GOT2: variants seen among roughly 807,000 people sequenced by gnomAD.
GOT2 encodes glutamic-oxaloacetic transaminase 2, also known as aspartate aminotransferase, mitochondrial.
Under a neutral mutation model 50.0 loss-of-function variants are expected in GOT2, and 17 were observed. That is an observed-to-expected ratio of 0.34 (90% CI 0.23 to 0.51). The LOEUF is 0.51. GOT2 is among the 20% of genes least tolerant of loss of function. GOT2 has a pLI of 0.97. For missense variants in GOT2, 430 were observed against 559.6 expected (o/e 0.77, Z 2.34); for synonymous variants, 172 against 204.9 (o/e 0.84, Z 1.37).
chr16:58,732,928 A>G (rs533022440), intron 1 of GOT2, among the ~76,000 whole-genome samples: 1 of 152,318 alleles, frequency 6.6e-6, no homozygotes, highest in East Asian at 1.9e-4. Flanking sequence ...ACAGTGGGCC[A>G]GGAAGGAGCC....
At chr16:58,719,786 C>A (rs2044726424) in intron 3 of GOT2, among the ~76,000 whole-genome samples, 2 of 152,128 alleles carry the variant, frequency 1.3e-5, no homozygotes, top group African/African-American at 2.4e-5. Flanking sequence ...TAAAAAGACA[C>A]TGAGAACAGT....
chr16:58,709,432 C>G lies in GOT2; in HGVS notation c.1155G>C (p.Gly385=). 1.2e-6 allele frequency: 2 copies of G among 1,611,542 alleles called. No homozygotes were observed. Among genetic ancestry groups the G allele is most frequent in the Non-Finnish European group, 1.7e-6 (2 of 1,177,978 alleles). The change falls in exon 9 of 10, where the codon GGG becomes GGC. Residue 385 remains glycine (G), a synonymous_variant. Coordinates refer to ENST00000245206, the MANE Select transcript of GOT2 (RefSeq NM_002080.4). ...TDQIGMFCFT[G]LKPEQVERLI... ...AATCACTCACCTGTTCAGGCTTTAG[C>G]CCTGTGAAACAGAACATGCCAATTT... is the stretch of plus-strand genomic sequence containing the variant.
At chr16:58,725,752 C>T (rs1281684812) in intron 1 of GOT2, among the ~76,000 whole-genome samples, 1 of 152,204 alleles carries the variant, frequency 6.6e-6, no homozygotes, top group African/African-American at 2.4e-5. Context: ...GACATCACCA[C>T]CCTCTCTTCT....
intron 7 of GOT2, 151 bp downstream of exon 7, chr16:58,716,512 G>A (rs1269990413): frequency 4.4e-6 from 3 of 683,502 alleles, no homozygotes; most frequent in African/African-American, 3.6e-5. Context: ...TAAAATCTAC[G>A]ATACTGGTCT....
chr16:58,722,714 A>T (rs1283663362), intron 2 of GOT2, among the ~76,000 whole-genome samples: 2 of 152,134 alleles, frequency 1.3e-5, no homozygotes, highest in African/African-American at 4.8e-5. Flanking sequence ...GAAGAAGGGT[A>T]GGTAGAATGC....
chr16:58,731,004 T>G (rs1043869486), intron 1 of GOT2, among the ~76,000 whole-genome samples: 10 of 152,214 alleles, frequency 6.6e-5, no homozygotes, highest in African/African-American at 2.2e-4. Flanking sequence ...TCCCTGGAGC[T>G]TAAGCCTACT....
At chr16:58,730,303 C>G (rs1406375626) in intron 1 of GOT2, among the ~76,000 whole-genome samples, 1 of 152,016 alleles carries the variant, frequency 6.6e-6, no homozygotes, top group Non-Finnish European at 1.5e-5. Context: ...TAGTACCTGA[C>G]AGTTATTTTT....
chr16:58,714,707 TAAAAAAAAACAAAAAAC>T (rs1884525704), intron 8 of GOT2, among the ~76,000 whole-genome samples: 1 of 149,940 alleles, frequency 6.7e-6, no homozygotes, highest in African/African-American at 2.5e-5. Flanking sequence ...CAAGACTGTT[TAAAAAAAAACAAAAAAC>T]AAAACAAAAC....
At position 58,708,217 on chromosome 16, in the gene GOT2, C is replaced by T. The variant is rs1342552662; in HGVS notation, c.1247G>A (p.Ser416Asn). The T allele has an allele frequency of 6.2e-7, 1 of 1,614,152 alleles. No homozygotes were observed. The highest frequency in any genetic ancestry group is 1.7e-5 in the Admixed American group (1 of 60,018). Residue 416 changes from serine to asparagine, a missense_variant, in exon 10 of 10, where the codon AGC (serine) becomes AAC (asparagine). Physicochemically the swap from Ser to Asn is conservative, Grantham distance 46. Transcript: ENST00000245206. ...GGCATGGGCAAGGTAGCCCACGTTG[C>T]TGGAGGTGACCCCTGCCACAGAGAT... ...GRISVAGVTSSNVGYLAHAIH... is the reference protein window; with the variant it reads ...GRISVAGVTSNNVGYLAHAIH...
At chr16:58,711,262 G>A (rs1301878078) in intron 8 of GOT2, among the ~76,000 whole-genome samples, 1 of 152,086 alleles carries the variant, frequency 6.6e-6, no homozygotes, top group Non-Finnish European at 1.5e-5. Context: ...AAACACATAG[G>A]ACACTGCTAT....
At chr16:58,718,124 A>C (rs2044709548) in intron 6 of GOT2, 72 bp downstream of exon 6, 1 of 1,029,474 alleles carries the variant, frequency 9.7e-7, no homozygotes, top group African/African-American at 1.6e-5. Context: ...CTCTGTTGAG[A>C]CATTGCCAAA....
intron 1 of GOT2, among the ~76,000 whole-genome samples, chr16:58,731,256 C>CA (rs2044833159): frequency 6.6e-6 from 1 of 152,222 alleles, no homozygotes; most frequent in East Asian, 1.9e-4. Flanking sequence ...GCGACCCTCC[C>CA]ACCTCAGCCT....
chr16:58,729,498 GAAA>G (rs35946557), intron 1 of GOT2, among the ~76,000 whole-genome samples: 3 of 94,406 alleles, frequency 3.2e-5, no homozygotes, highest in Non-Finnish European at 4.7e-5. Context: ...GTCTCAGGAA[GAAA>G]AAAAAAAAAA....
intron 8 of GOT2, among the ~76,000 whole-genome samples, chr16:58,710,245 T>C (rs576195190): frequency 1.3e-5 from 2 of 152,088 alleles, no homozygotes; most frequent in African/African-American, 4.8e-5. Flanking sequence ...CATCACCCAG[T>C]CTCAGTCTAT....
intron 8 of GOT2, among the ~76,000 whole-genome samples, chr16:58,714,279 G>A (rs889168836): frequency 6.6e-6 from 1 of 152,040 alleles, no homozygotes; most frequent in African/African-American, 2.4e-5. Context: ...GGCTGGGCTT[G>A]GTGGCTCACG....
chr16:58,726,981 C>T (rs2044791221), intron 1 of GOT2, among the ~76,000 whole-genome samples: 1 of 152,084 alleles, frequency 6.6e-6, no homozygotes, highest in East Asian at 2.0e-4. Flanking sequence ...CGGTGAAACT[C>T]TGTCTCTACT....
In GOT2 at chr16:58,734,294, G is replaced by A. The variant is rs372273643; in HGVS notation, c.-66C>T. Reference sequence around the variant, plus strand: ...CAGAGGGCGAGCGGACACACACACAGGGAACCGGCTCCTGCTGAAGGTAAG... The same window carrying A: ...CAGAGGGCGAGCGGACACACACACAAGGAACCGGCTCCTGCTGAAGGTAAG... On this transcript the variant is annotated 5_prime_UTR_variant, in exon 1 of 10. Coordinates refer to ENST00000245206, the MANE Select transcript of GOT2 (RefSeq NM_002080.4). 7 of 865,758 alleles carry A rather than the reference G, an allele frequency of 8.1e-6. No individual in the cohort carries two copies. The highest frequency in any genetic ancestry group is 1.7e-5 in the African/African-American group (1 of 57,706). 53.6% of individuals were successfully genotyped at this position (865,758 alleles called of 1,614,324 possible). A position where few individuals can be genotyped will look rare whatever the true frequency, so the allele number is the denominator to read the frequency against.
In GOT2 at chr16:58,722,047, T is replaced by A; in HGVS notation, c.375+103A>T. 3.1e-6 allele frequency: 4 copies of A among 1,298,066 alleles called. No individual in the cohort carries two copies. In the South Asian group the frequency reaches 4.0e-5, roughly 13 times the overall value. The allele number at this position is 1,298,066 out of a possible 1,614,324, so 80.4% of individuals were successfully genotyped here. ...CACCCGCCTTGGCCTCCCAAAGTGG[T>A]GGGATTACAGGCGTGAGCCATCGCG... is the stretch of plus-strand genomic sequence containing the variant. On this transcript the variant is annotated intron_variant, in intron 3 of 9. Coordinates refer to ENST00000245206, the MANE Select transcript of GOT2 (RefSeq NM_002080.4).
rs2044655614 is a variant in GOT2 at position 58,712,333 on chromosome 16, G to A, written c.1020-2766C>T. Among the ~76,000 whole-genome samples the A allele has an allele frequency of 5.3e-5, 8 of 152,294 alleles. No individual in the cohort carries two copies. The South Asian group carries it at 1.5e-3, about 28-fold the overall frequency. On this transcript the variant is annotated intron_variant, in intron 8 of 9. Transcript: ENST00000245206. ...TTGAGACCAGCCTGGCCAATGTGGT[G>A]AAACCCAGTCTCTACTAAAAATACA...
Sources: gnomAD v4.1 joint callset for allele counts (sites outside exome capture counted in the v4.1 genomes callset) on GRCh38, gnomAD v4.1.1 for gene constraint, MANE v1.5 for transcripts, NCBI Gene and HGNC (gene_info 2026-07-23, HGNC 2026-07-21) for gene names.